The following RTKN2 variants were observed in gnomAD, a reference collection of about 807,000 sequenced individuals.
RTKN2 encodes the protein rhotekin-2.
Under a neutral mutation model 71.5 loss-of-function variants are expected in RTKN2, and 69 were observed. That is an observed-to-expected ratio of 0.96 (90% CI 0.79 to 1.18). The LOEUF (loss-of-function observed/expected upper bound fraction) is 1.18. Ranked by LOEUF, RTKN2 falls within the 50% of genes most tolerant of loss-of-function variation. The probability of loss-of-function intolerance (pLI) is 0.00; values close to 1 mark genes in which losing one functional copy is unlikely to be tolerated. For missense variants in RTKN2, 724 were observed against 719.7 expected, an observed-to-expected ratio of 1.01 and a Z score of -0.07; for synonymous variants, 236 against 236.5, an observed-to-expected ratio of 1.00 and a Z score of 0.02.
At chr10:62,256,440 A>T (rs1175389822) in intron 2 of RTKN2, among the ~76,000 whole-genome samples, 1 of 152,180 alleles carries the variant, frequency 6.6e-6, no homozygotes, top group Non-Finnish European at 1.5e-5. Flanking sequence ...GGTTTGGGGG[A>T]AAAAAAGATA....
At chr10:62,243,534 C>T (rs1236108507) in intron 3 of RTKN2, among the ~76,000 whole-genome samples, 1 of 151,936 alleles carries the variant, frequency 6.6e-6, no homozygotes, top group Non-Finnish European at 1.5e-5. Flanking sequence ...TGCTGTACAC[C>T]CACAACCTGT....
chr10:62,233,531 G>A (rs577352640), intron 6 of RTKN2, among the ~76,000 whole-genome samples: 106 of 152,030 alleles, frequency 7.0e-4, no homozygotes, highest in African/African-American at 2.4e-3. Context: ...GACTGGGACT[G>A]ATTCACGGGT....
intron 11 of RTKN2, 28 bp downstream of exon 11, chr10:62,199,726 C>A (rs376303326): frequency 9.3e-5 from 126 of 1,347,700 alleles, no homozygotes; most frequent in Non-Finnish European, 1.1e-4. Flanking sequence ...TGTTATCCTG[C>A]AGCTTAGAAA....
intron 3 of RTKN2, among the ~76,000 whole-genome samples, chr10:62,243,326 A>G (rs1842417840): frequency 1.3e-5 from 2 of 151,954 alleles, no homozygotes; most frequent in African/African-American, 2.4e-5. Flanking sequence ...TTTGATTTTT[A>G]TGAGAATGCT....
intron 9 of RTKN2, chr10:62,215,104 C>A (rs1396746495): frequency 1.4e-6 from 2 of 1,437,704 alleles, no homozygotes; most frequent in African/African-American, 1.4e-5. Flanking sequence ...TCAAAAATAT[C>A]ATTTGTTTAG....
intron 2 of RTKN2, among the ~76,000 whole-genome samples, chr10:62,252,933 C>T (rs1842609196): frequency 6.6e-6 from 1 of 151,838 alleles, no homozygotes; most frequent in South Asian, 2.1e-4. Context: ...AGAAAACAGA[C>T]CACATAGTAA....
chr10:62,231,376 A>C (rs901299155), intron 6 of RTKN2, among the ~76,000 whole-genome samples: 8 of 152,218 alleles, frequency 5.3e-5, no homozygotes, highest in African/African-American at 1.9e-4. Flanking sequence ...TGAATAGATG[A>C]ATCTTATCAG....
At chr10:62,218,949 G>A (rs1036905392) in intron 7 of RTKN2, among the ~76,000 whole-genome samples, 3 of 152,142 alleles carry the variant, frequency 2.0e-5, no homozygotes, top group African/African-American at 7.2e-5. Context: ...CTGCACCACT[G>A]CACTTCAGCC....
intron 9 of RTKN2, among the ~76,000 whole-genome samples, chr10:62,209,339 A>G (rs1360135688): frequency 6.6e-6 from 1 of 152,002 alleles, no homozygotes. Flanking sequence ...CTATGGAAAA[A>G]CCCTGCAGGA....
chr10:62,256,958 CA>C (rs996360397), intron 2 of RTKN2, among the ~76,000 whole-genome samples: 96 of 145,198 alleles, frequency 6.6e-4, no homozygotes, highest in African/African-American at 1.6e-3. Context: ...AAGAAGGTGA[CA>C]AAAAAAAAAG....
rs1047212368 is a variant in RTKN2, at chr10:62,195,864, G to A, written c.*2044C>T. 2.0e-6 allele frequency: 2 copies of A among 985,134 alleles called. No homozygotes were observed. Among genetic ancestry groups the A allele is most frequent in the African/African-American group, 1.7e-5 (1 of 57,154 alleles). 61.0% of individuals were successfully genotyped at this position (985,134 alleles called of 1,614,324 possible). A position where few individuals can be genotyped will look rare whatever the true frequency, so the allele number is the denominator to read the frequency against. ...CTTTTAAATGGTTCTAGGTAAAAAG[G>A]GCTTCAGTCCTGTTTCAAAGTTCTA... On this transcript the variant is annotated 3_prime_UTR_variant, in exon 12 of 12. Coordinates refer to ENST00000373789, the MANE Select transcript of RTKN2 (RefSeq NM_145307.4).
intron 3 of RTKN2, among the ~76,000 whole-genome samples, chr10:62,245,544 T>C (rs577393446): frequency 6.6e-6 from 1 of 152,290 alleles, no homozygotes; most frequent in South Asian, 2.1e-4. Context: ...GAGCAATTAC[T>C]ATGAGCCAAG....
At chr10:62,236,029 T>C in intron 6 of RTKN2, 37 bp downstream of exon 6, 3 of 1,361,392 alleles carry the variant, frequency 2.2e-6, no homozygotes, top group Non-Finnish European at 2.1e-6. Flanking sequence ...CACAAATGTA[T>C]AATTATGTCA....
At chr10:62,190,171 T>C (rs1841198004), downstream of RTKN2, among the ~76,000 whole-genome samples, 4 of 152,180 alleles carry the variant, frequency 2.6e-5, no homozygotes, top group South Asian at 8.3e-4. Flanking sequence ...AGGGCTTTAA[T>C]GCAAAGGAAT....
intron 10 of RTKN2, among the ~76,000 whole-genome samples, chr10:62,203,839 C>A (rs1841496476): frequency 6.6e-6 from 1 of 152,096 alleles, no homozygotes; most frequent in South Asian, 2.1e-4. Flanking sequence ...ATCTTCAGAG[C>A]AAAGGGAAAT....
Position 62,198,115 on chromosome 10 carries a change from C to G in RTKN2, c.1623G>C (p.Leu541Phe). The G allele has an allele frequency of 6.2e-7, 1 of 1,614,092 alleles. No homozygotes were observed. Among genetic ancestry groups the G allele is most frequent in the Non-Finnish European group, 8.5e-7 (1 of 1,179,998 alleles). Residue 541 changes from leucine (L) to phenylalanine (F), a missense_variant, in exon 12 of 12, where the codon TTG becomes TTC. Leu to Phe is a conservative substitution (Grantham distance 22). Transcript: ENST00000373789. ...GCATTAGAGTTGATAGTTTGGTATC[C>G]AAAGACGATGTCTGAGATACACTTG... is the stretch of plus-strand genomic sequence containing the variant. ...GKTSVSQTSS[L>F]DTKLSTLMHH...
At chr10:62,191,053 C>A (rs964784206), downstream of RTKN2, among the ~76,000 whole-genome samples, 2 of 152,142 alleles carry the variant, frequency 1.3e-5, no homozygotes, top group African/African-American at 4.8e-5. Context: ...CTATTTTACT[C>A]ATCCCTTCTA....
chr10:62,187,303 G>C (rs1589322393), intron 8 of RTKN2, among the ~76,000 whole-genome samples: 2 of 151,320 alleles, frequency 1.3e-5, no homozygotes, highest in African/African-American at 4.9e-5. Context: ...AAAAAACATA[G>C]GGAAAAAGTT....
At chr10:62,257,895 A>C (rs1320939445) in intron 2 of RTKN2, among the ~76,000 whole-genome samples, 5 of 152,208 alleles carry the variant, frequency 3.3e-5, no homozygotes, top group Non-Finnish European at 5.9e-5. Context: ...CCTACTGCCT[A>C]CCCAATCCAG....
Sources: gnomAD v4.1 joint callset for allele counts (sites outside exome capture counted in the v4.1 genomes callset) on GRCh38, gnomAD v4.1.1 for gene constraint, MANE v1.5 for transcripts, NCBI Gene and HGNC (gene_info 2026-07-23, HGNC 2026-07-21) for gene names.